TASOR: variants seen among roughly 807,000 people sequenced by gnomAD.
TASOR encodes protein TASOR.
TASOR carries 53 observed loss-of-function variants against 178.6 expected under a neutral mutation model. The observed-to-expected ratio is 0.30, with a 90% CI of 0.24 to 0.37. TASOR has a LOEUF of 0.37. Among genes scored for constraint, TASOR ranks in the 10% least tolerant of loss-of-function variants. The pLI, the probability that TASOR is intolerant of heterozygous loss-of-function variation, is 1.00. For missense variants in TASOR, 1,815 were observed against 1,971.4 expected (o/e 0.92, Z 1.50); for synonymous variants, 713 against 696.2 (o/e 1.02, Z -0.38).
At position 56,624,862 on chromosome 3, in the gene TASOR, C is replaced by A; in HGVS notation, c.4284G>T (p.Gln1428His). 1 of 1,614,140 alleles carries A rather than the reference C, an allele frequency of 6.2e-7. No homozygotes were observed. Among genetic ancestry groups the A allele is most frequent in the South Asian group, 1.1e-5 (1 of 91,086 alleles). The change falls in exon 22 of 24, where the codon CAG (glutamine) becomes CAT (histidine). Residue 1428 changes from glutamine (Q) to histidine (H), a missense_variant. Coordinates refer to ENST00000683822, the MANE Select transcript of TASOR (RefSeq NM_001365635.2). ...ELDCLIRLQA[Q>H]NIQQRHIVFL... Reference sequence around the variant, plus strand: ...AGACTATGTGTCGTTGCTGTATGTTCTGAGCCTGAAGTCTGATAAGGCAAT... The same window carrying A: ...AGACTATGTGTCGTTGCTGTATGTTATGAGCCTGAAGTCTGATAAGGCAAT...
At position 56,622,972 on chromosome 3, in the gene TASOR, G is replaced by C; in HGVS notation, c.*65C>G. The C allele has an allele frequency of 9.2e-7, 1 of 1,086,470 alleles. No homozygotes were observed. The highest frequency in any genetic ancestry group is 2.2e-5 in the South Asian group (1 of 45,148). The allele number at this position is 1,086,470 out of a possible 1,614,324, so 67.3% of individuals were successfully genotyped here. On this transcript the variant is annotated 3_prime_UTR_variant, in exon 24 of 24. Transcript: ENST00000683822. ...AAAGAACAAGAACCTTTTGTTTAGA[G>C]AATGAAATATAAATTGTTAATAAAC...
chr3:56,658,892 C>CGA (rs142542328), intron 11 of TASOR, among the ~76,000 whole-genome samples: 27,663 of 148,794 alleles, frequency 0.19, 3,386 homozygotes, highest in South Asian at 0.41. Context: ...CCAGCCTGGG[C>CGA]GAGAGAGTCT....
rs550308201 is a variant in TASOR, at chr3:56,623,046, T to C, written c.5004A>G (p.Gln1668=). 6.5e-6 allele frequency: 10 copies of C among 1,540,896 alleles called. No individual in the cohort carries two copies. In the South Asian group the frequency reaches 1.2e-4, roughly 18 times the overall value. Residue 1668 remains glutamine (Q), a synonymous_variant, in exon 24 of 24, where the codon CAA becomes CAG. Transcript: ENST00000683822. The part of the protein sequence containing the change: ...GKSDSSRPYS[Q]EK ...AAAAAAGTTACTACAGTTATTTCTC[T>C]TGTGAATATGGCCTGGAAGAATCAC...
intron 17 of TASOR, among the ~76,000 whole-genome samples, chr3:56,635,742 TG>T (rs2077003494): frequency 6.6e-6 from 1 of 152,146 alleles, no homozygotes; most frequent in Admixed American, 6.6e-5. Flanking sequence ...TCCAAGTAGA[TG>T]GGATTACAGG....
intron 15 of TASOR, 127 bp from the exon 16 acceptor site, chr3:56,640,257 G>A: frequency 1.3e-6 from 1 of 763,518 alleles, no homozygotes; most frequent in Middle Eastern, 3.4e-4. Flanking sequence ...AATCAACATG[G>A]TAAAGTTATA....
chr3:56,623,068 T>G lies in TASOR; in HGVS notation c.4982A>C (p.Asp1661Ala). Residue 1661 changes from aspartate to alanine, a missense_variant, in exon 24 of 24, where the codon GAT becomes GCT. Coordinates refer to ENST00000683822, the MANE Select transcript of TASOR (RefSeq NM_001365635.2). The part of the protein sequence containing the change: ...SPPPLSWGKS[D>A]SSRPYSQEK ...CTCTTGTGAATATGGCCTGGAAGAA[T>G]CACTTTTCCCCCAACTTAAGGGAGG... The G allele has an allele frequency of 6.3e-7, 1 of 1,589,590 alleles. No individual in the cohort carries two copies. Among genetic ancestry groups the G allele is most frequent in the South Asian group, 1.2e-5 (1 of 85,744 alleles).
intron 5 of TASOR, among the ~76,000 whole-genome samples, 179 bp downstream of exon 5, chr3:56,669,521 C>T (rs771959673): frequency 1.3e-5 from 2 of 151,888 alleles, no homozygotes; most frequent in Non-Finnish European, 2.9e-5. Context: ...AACCAAAAAA[C>T]AAAAAACAAC....
intron 11 of TASOR, among the ~76,000 whole-genome samples, chr3:56,655,342 C>T (rs899418760): frequency 6.6e-6 from 1 of 152,130 alleles, no homozygotes; most frequent in African/African-American, 2.4e-5. Context: ...AGATATATTA[C>T]AAGACCCCCA....
At position 56,641,598 on chromosome 3, in the gene TASOR, T is replaced by C. The variant is rs753137387; in HGVS notation, c.2370A>G (p.Thr790=). The C allele has an allele frequency of 4.3e-6, 7 of 1,614,196 alleles. No individual in the cohort carries two copies. The South Asian group carries it at 5.5e-5, about 13-fold the overall frequency. Residue 790 remains threonine (T), a synonymous_variant, in exon 15 of 24, where the codon ACA becomes ACG. Transcript: ENST00000683822. The part of the protein sequence containing the change: ...ANARHSDASL[T]DTVNKALGLS... ...ATCCTAAGGCTTTGTTGACTGTGTC[T>C]GTCAGAGATGCATCAGAATGGCGCG...
At chr3:56,626,571 C>T (rs2076803331) in intron 21 of TASOR, among the ~76,000 whole-genome samples, 1 of 151,942 alleles carries the variant, frequency 6.6e-6, no homozygotes, top group Non-Finnish European at 1.5e-5. Context: ...GGTGAAACCC[C>T]ATCTCTACTA....
In TASOR at chr3:56,649,026, T is replaced by G; in HGVS notation, c.1400A>C (p.Tyr467Ser). Residue 467 changes from tyrosine (Y) to serine (S), a missense_variant, in exon 12 of 24, where the codon TAC becomes TCC. Tyr to Ser is a moderately radical substitution (Grantham distance 144, BLOSUM62 -2). This residue lies in a region of TASOR where 504 missense variants were observed against 645.3 expected (regional missense o/e 0.78). Coordinates refer to ENST00000683822, the MANE Select transcript of TASOR (RefSeq NM_001365635.2). ...VLVKPLGDRGYLFLLSPYQMV... is the reference protein window; with the variant it reads ...VLVKPLGDRGSLFLLSPYQMV... The stretch of plus-strand genomic sequence containing the variant: ...CTGATAAGGGGAGAGAAGAAAAAGG[T>G]ATCCTCGGTCTCCCAAAGGTTTAAC... The G allele has an allele frequency of 6.2e-7, 1 of 1,609,240 alleles. No homozygotes were observed. The highest frequency in any genetic ancestry group is 8.5e-7 in the Non-Finnish European group (1 of 1,178,568).
At chr3:56,643,500 C>T (rs1038384667) in intron 14 of TASOR, among the ~76,000 whole-genome samples, 1 of 152,028 alleles carries the variant, frequency 6.6e-6, no homozygotes, top group Non-Finnish European at 1.5e-5. Flanking sequence ...TGGTGGCTCA[C>T]GCCTGTAATC....
chr3:56,628,243 C>T (rs1416914499), intron 19 of TASOR, among the ~76,000 whole-genome samples: 3 of 152,208 alleles, frequency 2.0e-5, no homozygotes, highest in Non-Finnish European at 4.4e-5. Context: ...TCAGCAGACC[C>T]AATGGCATTC....
At position 56,682,637 on chromosome 3, in the gene TASOR, GGAGA is replaced by G. The variant is rs756823428; in HGVS notation, c.331+35_331+38del. 5 of 1,415,608 alleles carry G rather than the reference GGAGA, an allele frequency of 3.5e-6. No homozygotes were observed. In the South Asian group the frequency reaches 6.1e-5, roughly 17 times the overall value. The allele number at this position is 1,415,608 out of a possible 1,614,324, so 87.7% of individuals were successfully genotyped here. A position where few individuals can be genotyped will look rare whatever the true frequency, so the allele number is the denominator to read the frequency against. ...AAAGATTCTAATGAAAAGATGGAGGGGAGAGAGAGAGGGGGTTGAGAAGAAGGGG... is the reference window on the plus strand; with the variant it reads ...AAAGATTCTAATGAAAAGATGGAGGGGAGAGAGGGGGTTGAGAAGAAGGGG... On this transcript the variant is annotated intron_variant, in intron 1 of 23. Transcript: ENST00000683822.
In TASOR at chr3:56,620,682, G is replaced by GTTAT. The variant is rs987592594; in HGVS notation, c.*2351_*2354dup. 74 of 152,300 alleles carry GTTAT rather than the reference G, an allele frequency of 4.9e-4. No homozygotes were observed. The highest frequency in any genetic ancestry group is 1.8e-3 in the African/African-American group (74 of 41,570). 9.4% of individuals were successfully genotyped at this position (152,300 alleles called of 1,614,324 possible). On this transcript the variant is annotated 3_prime_UTR_variant, in exon 24 of 24. Transcript: ENST00000683822. ...CAGGGTTACTAAGAGTTTTACATAA[G>GTTAT]TTATTTCTTTAGAGTGACGAAGTGT...
chr3:56,661,153 C>A (rs1578265128), intron 9 of TASOR, 136 bp from the exon 10 acceptor site: 1 of 628,510 alleles, frequency 1.6e-6, no homozygotes, highest in East Asian at 2.8e-5. Context: ...TTCTAAAGAT[C>A]TTTTGTTTCG....
Position 56,641,404 on chromosome 3 carries a change from G to A in TASOR, c.2564C>T (p.Ser855Phe), listed in dbSNP as rs751879597. 7.5e-6 allele frequency: 12 copies of A among 1,600,418 alleles called. No individual in the cohort carries two copies. The highest frequency in any genetic ancestry group is 6.7e-5 in the African/African-American group (5 of 74,810). Residue 855 changes from serine to phenylalanine, a missense_variant, in exon 15 of 24, where the codon TCT (serine) becomes TTT (phenylalanine). By Grantham distance (155) the Ser-to-Phe change is radical. Around this residue, in one of 5 missense-constraint regions of TASOR, gnomAD observed 655 missense variants for 671.1 expected, o/e 0.98. Coordinates refer to ENST00000683822, the MANE Select transcript of TASOR (RefSeq NM_001365635.2). ...LLEVDATSKY[S>F]VAISTSEVGT... ...CACTTCGCTGGTAGAAATAGCAACA[G>A]AATACTTAGATGTTGCATCAACTTC...
intron 3 of TASOR, 44 bp from the exon 4 acceptor site, chr3:56,670,189 T>A (rs927787470): frequency 8.5e-7 from 1 of 1,169,640 alleles, no homozygotes; most frequent in African/African-American, 1.6e-5. Flanking sequence ...CATAACAACA[T>A]TTAAAACATG....
chr3:56,660,691 G>T (rs755421733), intron 11 of TASOR, 40 bp downstream of exon 11: 2 of 1,492,048 alleles, frequency 1.3e-6, no homozygotes, highest in Non-Finnish European at 1.9e-6. Flanking sequence ...ATGCATATTT[G>T]TAACAAAGAA....
Sources: allele counts gnomAD v4.1 joint callset (sites outside exome capture counted in the v4.1 genomes callset), GRCh38; gene constraint gnomAD v4.1.1; regional missense constraint gnomAD v4.1.1; transcripts MANE v1.5; gene names NCBI Gene and HGNC (gene_info 2026-07-23, HGNC 2026-07-21).